The following PODNL1 variants were observed in gnomAD, a reference collection of about 807,000 sequenced individuals.
PODNL1 encodes the protein podocan-like protein 1.
In PODNL1, 50 loss-of-function variants were observed where a neutral mutation model predicts 45.1. The observed-to-expected ratio is 1.11, with a 90% CI of 0.88 to 1.40. The LOEUF is 1.40. Ranked by LOEUF, PODNL1 falls within the 40% of genes most tolerant of loss-of-function variation. The pLI, the probability that PODNL1 is intolerant of heterozygous loss-of-function variation, is 0.00. For missense variants in PODNL1, 788 were observed against 793.3 expected (o/e 0.99, Z 0.08); for synonymous variants, 406 against 372.5 (o/e 1.09, Z -1.04).
chr19:13,951,796 G>A (rs1188598815), intron 1 of PODNL1, among the ~76,000 whole-genome samples: 3 of 152,042 alleles, frequency 2.0e-5, no homozygotes, highest in African/African-American at 7.2e-5. Context: ...ATGAGGTAAT[G>A]TATACGAATA....
At chr19:13,952,690 T>C in intron 1 of PODNL1, 1 of 1,151,026 alleles carries the variant, frequency 8.7e-7, no homozygotes, top group South Asian at 3.0e-5. Flanking sequence ...GGGTGGGGAG[T>C]AGGGACGAGG....
intron 1 of PODNL1, among the ~76,000 whole-genome samples, chr19:13,943,862 C>T (rs1972734845): frequency 1.3e-5 from 2 of 152,216 alleles, no homozygotes; most frequent in South Asian, 4.1e-4. Context: ...TGAATTACAT[C>T]GCAAAGACCT....
intron 1 of PODNL1, chr19:13,952,600 G>T: frequency 7.9e-7 from 1 of 1,266,672 alleles, no homozygotes. Context: ...GCGGGCAGCA[G>T]GGCGGCGGCG....
intron 1 of PODNL1, among the ~76,000 whole-genome samples, chr19:13,945,441 G>T (rs1599448655): frequency 6.6e-6 from 1 of 151,880 alleles, no homozygotes; most frequent in Non-Finnish European, 1.5e-5. Flanking sequence ...GATTGCATGA[G>T]CCCGGGAGTT....
At position 13,933,734 on chromosome 19, in the gene PODNL1, A is replaced by T. The variant is rs933801869; in HGVS notation, c.767+144T>A. ...AGGGCTGTGGGGAACAGGGACACCT[A>T]CCCAGTGCTCTGCCGAGCCCAGTGA... On this transcript the variant is annotated intron_variant, in intron 7 of 9. Transcript: ENST00000588872. The surrounding 1 kb of genome is among the most constrained non-coding windows in gnomAD (Gnocchi z 5.2). The T allele has an allele frequency of 4.1e-6, 3 of 735,218 alleles. No homozygotes were observed. In the African/African-American group the frequency reaches 5.2e-5, roughly 13 times the overall value. The allele number at this position is 735,218 out of a possible 1,614,324, so 45.5% of individuals were successfully genotyped here.
chr19:13,945,896 A>AAC (rs1555743370), intron 1 of PODNL1, among the ~76,000 whole-genome samples: 1 of 146,704 alleles, frequency 6.8e-6, no homozygotes, highest in African/African-American at 2.5e-5. Context: ...TAAAAAAAAA[A>AAC]AAACAAACTT....
At position 13,933,749 on chromosome 19, in the gene PODNL1, G is replaced by A. The variant is rs6511902; in HGVS notation, c.767+129C>T. ...AGGGACACCTACCCAGTGCTCTGCC[G>A]AGCCCAGTGAGCAGCAGGCACTCAG... is the stretch of plus-strand genomic sequence containing the variant. On this transcript the variant is annotated intron_variant, in intron 7 of 9. Coordinates refer to ENST00000588872, the MANE Select transcript of PODNL1 (RefSeq NM_001370095.3). This position sits in a 1 kb window ranked among gnomAD's most constrained non-coding sequence, Gnocchi z 5.2. 4,114 of 809,248 alleles carry A rather than the reference G, an allele frequency of 5.1e-3. 123 individuals are homozygous for A. In the African/African-American group the frequency reaches 0.062, roughly 12 times the overall value. The allele number at this position is 809,248 out of a possible 1,614,324, so 50.1% of individuals were successfully genotyped here.
chr19:13,949,024 G>A (rs1972918630), intron 1 of PODNL1, among the ~76,000 whole-genome samples: 1 of 151,110 alleles, frequency 6.6e-6, no homozygotes, highest in South Asian at 2.1e-4. Flanking sequence ...ACAGAGTCAC[G>A]CTCTGTGTCA....
chr19:13,938,314 A>T lies in PODNL1; in HGVS notation c.-133T>A. 1 of 1,443,990 alleles carries T rather than the reference A, an allele frequency of 6.9e-7. No homozygotes were observed. Among genetic ancestry groups the T allele is most frequent in the Non-Finnish European group, 9.1e-7 (1 of 1,093,130 alleles). 89.4% of individuals were successfully genotyped at this position (1,443,990 alleles called of 1,614,324 possible). ...TCTCCAGACCCATGCCACCCCCCACAACAGCCTGTTCTCCCGGGGCTTTGG... is the reference window on the plus strand; with the variant it reads ...TCTCCAGACCCATGCCACCCCCCACTACAGCCTGTTCTCCCGGGGCTTTGG... On this transcript the variant is annotated 5_prime_UTR_variant, in exon 1 of 10. Coordinates refer to ENST00000588872, the MANE Select transcript of PODNL1 (RefSeq NM_001370095.3).
At chr19:13,943,425 G>A (rs1972717986), upstream of PODNL1, among the ~76,000 whole-genome samples, 5 of 152,208 alleles carry the variant, frequency 3.3e-5, no homozygotes, top group South Asian at 2.1e-4. Context: ...CAGTTTCCAC[G>A]TGGCCTTCTT....
intron 1 of PODNL1, among the ~76,000 whole-genome samples, chr19:13,951,699 G>A (rs770164001): frequency 2.0e-5 from 3 of 152,152 alleles, no homozygotes; most frequent in Non-Finnish European, 4.4e-5. Context: ...ATCTGAGCCC[G>A]GGGTCGAGGC....
intron 6 of PODNL1, 23 bp downstream of exon 6, chr19:13,934,231 G>A (rs1972164425): frequency 2.0e-6 from 3 of 1,495,112 alleles, no homozygotes; most frequent in Non-Finnish European, 2.7e-6. Flanking sequence ...TCTGGCCCGG[G>A]GTGGGACCTA....
At chr19:13,941,190 A>T (rs1251575337), upstream of PODNL1, among the ~76,000 whole-genome samples, 1 of 151,648 alleles carries the variant, frequency 6.6e-6, no homozygotes, top group African/African-American at 2.4e-5. Flanking sequence ...ACATGGTGAA[A>T]CCCAGTCTCT....
chr19:13,952,333 C>T (rs948804859), intron 1 of PODNL1, among the ~76,000 whole-genome samples: 2 of 152,184 alleles, frequency 1.3e-5, no homozygotes, highest in Admixed American at 1.3e-4. Context: ...GGCAACGGGC[C>T]GCGGGGGCTG....
chr19:13,944,649 G>T (rs1376710677), intron 1 of PODNL1, among the ~76,000 whole-genome samples: 1 of 152,022 alleles, frequency 6.6e-6, no homozygotes, highest in African/African-American at 2.4e-5. Flanking sequence ...ATAGAGACAG[G>T]TTTTGCCAAG....
chr19:13,938,366 C>G lies in PODNL1; in HGVS notation c.-185G>C. On this transcript the variant is annotated 5_prime_UTR_variant, in exon 1 of 10. Transcript: ENST00000588872. ...GGAGCTGGCCCACCCCCTTCCCCGC[C>G]CTGGGGAGGACGGGCAGGCGGCCGG... The G allele has an allele frequency of 7.1e-7, 1 of 1,401,100 alleles. No individual in the cohort carries two copies. The highest frequency in any genetic ancestry group is 2.6e-5 in the East Asian group (1 of 38,456). The allele number at this position is 1,401,100 out of a possible 1,614,324, so 86.8% of individuals were successfully genotyped here. A position where few individuals can be genotyped will look rare whatever the true frequency, so the allele number is the denominator to read the frequency against.
rs375379231 is a variant in PODNL1, at chr19:13,933,256, C to T, written c.967G>A (p.Ala323Thr). Residue 323 changes from alanine to threonine, a missense_variant, in exon 8 of 10, where the codon GCC becomes ACC. Coordinates refer to ENST00000588872, the MANE Select transcript of PODNL1 (RefSeq NM_001370095.3). This position sits in a 1 kb window ranked among gnomAD's most constrained non-coding sequence, Gnocchi z 5.2. ...CCCCGCAGCGGCCGCAGAGCCCCGG[C>T]GGGCAGCCCTGAGCTCCCCAGCTGG... ...HNQLGSSGLP[A>T]GALRPLRGLH... 119 of 1,552,790 alleles carry T rather than the reference C, an allele frequency of 7.7e-5. No individual in the cohort carries two copies. Among genetic ancestry groups the T allele is most frequent in the Middle Eastern group, 1.7e-4 (1 of 5,992 alleles).
upstream of PODNL1, chr19:13,938,548 C>T (rs554155293): frequency 4.2e-6 from 4 of 946,294 alleles, no homozygotes; most frequent in Non-Finnish European, 5.2e-6. Context: ...TTGGGACGAC[C>T]GCAGGAGTAG....
rs1377140262 is a variant in PODNL1, at chr19:13,933,467, G to C, written c.768-12C>G. On this transcript the variant is annotated splice_polypyrimidine_tract_variant and intron_variant, in intron 7 of 9. Transcript: ENST00000588872. This position sits in a 1 kb window ranked among gnomAD's most constrained non-coding sequence, Gnocchi z 5.2. ...GGCTATGCAGCTTGCTGGAAGGAGAGAGGGTCGGTGTTAGGTGGGGCACTT... is the reference window on the plus strand; with the variant it reads ...GGCTATGCAGCTTGCTGGAAGGAGACAGGGTCGGTGTTAGGTGGGGCACTT... 6.5e-7 allele frequency: 1 copy of C among 1,548,508 alleles called. No homozygotes were observed. Among genetic ancestry groups the C allele is most frequent in the Non-Finnish European group, 8.7e-7 (1 of 1,149,964 alleles).
Sources: gnomAD v4.1 joint callset for allele counts (sites outside exome capture counted in the v4.1 genomes callset) on GRCh38, gnomAD v4.1.1 for gene constraint, Gnocchi (gnomAD v3.1) non-coding constraint, MANE v1.5 for transcripts, NCBI Gene and HGNC (gene_info 2026-07-23, HGNC 2026-07-21) for gene names.